Variants in ZC3H12B observed in about 807,000 individuals in gnomAD.
ZC3H12B encodes the protein probable ribonuclease ZC3H12B.
Under a neutral mutation model 43.9 loss-of-function variants are expected in ZC3H12B, and 7 were observed. That is an observed-to-expected ratio of 0.16 (90% confidence interval 0.09 to 0.30). The LOEUF is 0.30. Among genes scored for constraint, ZC3H12B ranks in the 10% least tolerant of loss-of-function variants. The pLI, the probability that ZC3H12B is intolerant of heterozygous loss-of-function variation, is 1.00. For synonymous variants in ZC3H12B, 222 were observed against 241.7 expected (o/e 0.92, Z 0.76); for missense variants, 475 against 670.2 (o/e 0.71, Z 3.22).
At chrX:65,227,199 A>T in the ZC3H12B span, among the ~76,000 whole-genome samples, 61 of 111,884 alleles carry the variant, frequency 5.5e-4, no homozygotes, top group African/African-American at 1.8e-3. Flanking sequence ...ACCACAGTGC[A>T]ATCAAACTAG....
At chrX:65,382,113 T>G (rs1416105312) in intron 2 of ZC3H12B, among the ~76,000 whole-genome samples, 1 of 111,669 alleles carries the variant, frequency 9.0e-6, no homozygotes, top group Non-Finnish European at 1.9e-5. Flanking sequence ...GAGGCCAGCA[T>G]CATCCTGATA....
intron 3 of ZC3H12B, among the ~76,000 whole-genome samples, chrX:65,444,853 C>T (rs940859571): frequency 1.8e-5 from 2 of 111,941 alleles, no homozygotes; most frequent in Admixed American, 9.5e-5. Flanking sequence ...CCTTTTGAGG[C>T]TATCTTCTAT....
At chrX:65,234,446 G>T in the ZC3H12B span, among the ~76,000 whole-genome samples, 35 of 111,626 alleles carry the variant, frequency 3.1e-4, no homozygotes, top group African/African-American at 1.1e-3. Flanking sequence ...TTAAGATCTG[G>T]AGCAAGACAA....
chrX:65,118,280 C>T, the ZC3H12B span, among the ~76,000 whole-genome samples: 7 of 111,455 alleles, frequency 6.3e-5, no homozygotes, highest in African/African-American at 9.8e-5. Context: ...TCCTTGACAT[C>T]GCACGTAAGT....
At chrX:65,188,780 A>C in the ZC3H12B span, among the ~76,000 whole-genome samples, 1 of 96,252 alleles carries the variant, frequency 1.0e-5, no homozygotes, top group African/African-American at 3.7e-5. Flanking sequence ...CTGAATTTTT[A>C]TATTAGTTCT....
chrX:65,305,728 C>T, the ZC3H12B span, among the ~76,000 whole-genome samples: 1 of 112,073 alleles, frequency 8.9e-6, no homozygotes, highest in Non-Finnish European at 1.9e-5. Flanking sequence ...AGGAACTCCT[C>T]AGTGCCCTTC....
the ZC3H12B span, among the ~76,000 whole-genome samples, chrX:65,038,825 T>G: frequency 9.0e-6 from 1 of 111,529 alleles, no homozygotes; most frequent in African/African-American, 3.3e-5. Flanking sequence ...CATCTATAAG[T>G]TATAATTTTC....
the ZC3H12B span, among the ~76,000 whole-genome samples, chrX:65,098,225 T>TACACACACACAC: frequency 0.012 from 1,193 of 96,155 alleles, 24 homozygotes; most frequent in African/African-American, 0.044. Flanking sequence ...CATGTCTTAG[T>TACACACACACAC]ACACACACAC....
chrX:65,080,276 AG>A, the ZC3H12B span, among the ~76,000 whole-genome samples: 85 of 109,358 alleles, frequency 7.8e-4, no homozygotes, highest in African/African-American at 2.7e-3. Flanking sequence ...CTTAACGAAG[AG>A]GTAGAGAAAG....
the ZC3H12B span, among the ~76,000 whole-genome samples, chrX:65,263,570 C>G: frequency 1.8e-5 from 2 of 110,608 alleles, no homozygotes; most frequent in Non-Finnish European, 3.8e-5. Flanking sequence ...AATGAGGGAA[C>G]TAGAAGGATA....
the ZC3H12B span, among the ~76,000 whole-genome samples, chrX:65,154,083 G>A: frequency 9.0e-6 from 1 of 110,746 alleles, no homozygotes; most frequent in Admixed American, 9.6e-5. Flanking sequence ...ACTGTTGTGG[G>A]GTGGGAGGAG....
chrX:65,480,700 G>T (rs1022549105), intron 3 of ZC3H12B, among the ~76,000 whole-genome samples: 9 of 110,892 alleles, frequency 8.1e-5, no homozygotes, highest in Admixed American at 2.9e-4. Context: ...TACAAAATTA[G>T]CCAGGCATGG....
At chrX:65,177,261 T>G in the ZC3H12B span, among the ~76,000 whole-genome samples, 3 of 111,995 alleles carry the variant, frequency 2.7e-5, no homozygotes, top group African/African-American at 6.5e-5. Context: ...AGAAACTAGT[T>G]GTTGATGGTA....
the ZC3H12B span, among the ~76,000 whole-genome samples, chrX:65,253,660 C>A: frequency 8.9e-6 from 1 of 112,072 alleles, no homozygotes; most frequent in Non-Finnish European, 1.9e-5. Context: ...TTATGGGGCC[C>A]CAGCTTGGCC....
intron 2 of ZC3H12B, among the ~76,000 whole-genome samples, chrX:65,392,781 G>T (rs1023826045): frequency 9.7e-5 from 11 of 113,202 alleles, no homozygotes; most frequent in African/African-American, 3.5e-4. Flanking sequence ...CCATGATGAC[G>T]ATGGCAGTTT....
chrX:65,260,152 T>C, the ZC3H12B span, among the ~76,000 whole-genome samples: 6 of 108,195 alleles, frequency 5.5e-5, no homozygotes, highest in Non-Finnish European at 9.6e-5. Flanking sequence ...TGCACCAAAA[T>C]CTCAGAAATC....
the ZC3H12B span, among the ~76,000 whole-genome samples, chrX:65,327,333 T>A: frequency 2.7e-5 from 3 of 111,520 alleles, no homozygotes; most frequent in African/African-American, 9.7e-5. Flanking sequence ...ACTGTTTAGC[T>A]TTTTGGGAAT....
At chrX:65,396,107 A>C (rs757200630) in intron 2 of ZC3H12B, among the ~76,000 whole-genome samples, 1 of 110,865 alleles carries the variant, frequency 9.0e-6, no homozygotes, top group South Asian at 3.8e-4. Context: ...CTACTGGTCT[A>C]TTTTGTTAAT....
chrX:65,107,548 G>A, the ZC3H12B span, among the ~76,000 whole-genome samples: 6 of 111,042 alleles, frequency 5.4e-5, no homozygotes, highest in African/African-American at 1.6e-4. Flanking sequence ...ATATGGTTTA[G>A]CTCTGTGTCC....
Sources: allele counts gnomAD v4.1 joint callset (sites outside exome capture counted in the v4.1 genomes callset), GRCh38; gene constraint gnomAD v4.1.1; transcripts MANE v1.5; gene names NCBI Gene and HGNC (gene_info 2026-07-23, HGNC 2026-07-21).